RIPOR2: variants seen among roughly 807,000 people sequenced by gnomAD.
The protein encoded by RIPOR2 is rho family-interacting cell polarization regulator 2.
RIPOR2 carries 39 observed loss-of-function variants against 114.5 expected under a neutral mutation model. The ratio of observed to expected loss-of-function variants is 0.34; its 90% CI spans 0.26 to 0.44. RIPOR2 has a LOEUF of 0.44. Among genes scored for constraint, RIPOR2 ranks in the 20% least tolerant of loss-of-function variants. The pLI is 1.00. For missense variants in RIPOR2, 1,007 were observed against 1,255.1 expected (o/e 0.80, Z 2.99); for synonymous variants, 445 against 484.4 (o/e 0.92, Z 1.07).
Position 24,864,816 on chromosome 6 carries a change from A to C in RIPOR2, c.651+485T>G, listed in dbSNP as rs181908603. ...GTAGGCAGAGGGTTACTGATCCAAC[A>C]CTGACATCCAGTGTAGCTATCTGAA... On this transcript the variant is annotated intron_variant, in intron 7 of 21. Transcript: ENST00000643898. Among the ~76,000 whole-genome samples, 83 of 152,318 alleles carry C rather than the reference A, an allele frequency of 5.4e-4. No individual in the cohort carries two copies. In the Middle Eastern group the frequency reaches 0.014, roughly 25 times the overall value.
chr6:25,029,447 T>C (rs1319239583), intron 1 of RIPOR2, among the ~76,000 whole-genome samples: 1 of 88,770 alleles, frequency 1.1e-5, no homozygotes, highest in Non-Finnish European at 2.5e-5. Flanking sequence ...GAAGAAGTAA[T>C]GAAAAAAGGG....
chr6:24,926,770 T>C (rs1179998021), intron 1 of RIPOR2, among the ~76,000 whole-genome samples: 1 of 152,120 alleles, frequency 6.6e-6, no homozygotes, highest in Non-Finnish European at 1.5e-5. Context: ...CTTATGGTTT[T>C]CAAGTATATC....
At chr6:24,823,613 C>T (rs775353165) in intron 19 of RIPOR2, among the ~76,000 whole-genome samples, 9 of 152,052 alleles carry the variant, frequency 5.9e-5, no homozygotes, top group Non-Finnish European at 7.3e-5. Flanking sequence ...AAGGTTTAGT[C>T]ATGAAATATG....
At chr6:25,021,706 T>C (rs1172002161) in intron 1 of RIPOR2, among the ~76,000 whole-genome samples, 1 of 152,228 alleles carries the variant, frequency 6.6e-6, no homozygotes. Context: ...CCTCGATTGA[T>C]GGGTCAAAAT....
At chr6:25,000,304 C>A (rs1464049685) in intron 1 of RIPOR2, among the ~76,000 whole-genome samples, 2 of 152,170 alleles carry the variant, frequency 1.3e-5, no homozygotes, top group Non-Finnish European at 2.9e-5. Context: ...ATGCTGACCA[C>A]TCGCGAAAAC....
intron 19 of RIPOR2, among the ~76,000 whole-genome samples, chr6:24,824,342 T>C (rs1176159734): frequency 6.6e-6 from 1 of 152,196 alleles, no homozygotes; most frequent in South Asian, 2.1e-4. Context: ...AGTGGATTAT[T>C]TTCTTGTGAG....
At chr6:24,938,843 G>C (rs537419918), upstream of RIPOR2, among the ~76,000 whole-genome samples, 17 of 152,268 alleles carry the variant, frequency 1.1e-4, no homozygotes, top group Middle Eastern at 6.8e-3. Flanking sequence ...AATTACCTTA[G>C]AGAGATATGA....
At chr6:24,926,120 A>G (rs987340974) in intron 1 of RIPOR2, among the ~76,000 whole-genome samples, 11 of 152,230 alleles carry the variant, frequency 7.2e-5, no homozygotes, top group Non-Finnish European at 1.5e-5. Flanking sequence ...ATACAACATT[A>G]AAGTTTTCAG....
rs28360496 is a variant in RIPOR2, at chr6:24,883,318, C to T, written c.62-7501G>A. On this transcript the variant is annotated intron_variant, in intron 1 of 21. Transcript: ENST00000643898. This position sits in a 1 kb window ranked among gnomAD's most constrained non-coding sequence, Gnocchi z 4.1. ...ACCAATAGTTGTCACACTTACAAAG[C>T]TATGCCATCTCCATAAGCTAGACTG... Among the ~76,000 whole-genome samples, 17,849 of 152,232 alleles carry T rather than the reference C, an allele frequency of 0.12. 1,173 individuals are homozygous for T. The highest frequency in any genetic ancestry group is 0.16 in the South Asian group (783 of 4,826).
At chr6:24,992,923 C>T (rs988466139) in intron 1 of RIPOR2, among the ~76,000 whole-genome samples, 5 of 152,278 alleles carry the variant, frequency 3.3e-5, no homozygotes, top group Admixed American at 2.6e-4. Flanking sequence ...ACTTAAATAT[C>T]CTATGAGCCA....
Position 24,828,182 on chromosome 6 carries a change from C to G in RIPOR2, c.2620G>C (p.Gly874Arg), listed in dbSNP as rs140410062. The G allele has an allele frequency of 2.6e-6, 4 of 1,550,940 alleles. No individual in the cohort carries two copies. The highest frequency in any genetic ancestry group is 3.5e-6 in the Non-Finnish European group (4 of 1,146,516). ...AGGTAACTCTCCAGGTCACTGACGC[C>G]GTGGCTGGTGAAGTAACTGTAATAC... ...FQYYSYFTSH[G>R]VSDLESYLSQ... Residue 874 changes from glycine (G) to arginine (R), a missense_variant, in exon 18 of 22, where the codon GGC becomes CGC. Transcript: ENST00000643898.
At chr6:24,849,524 G>A (rs535049404) in intron 11 of RIPOR2, among the ~76,000 whole-genome samples, 9 of 152,232 alleles carry the variant, frequency 5.9e-5, no homozygotes, top group African/African-American at 2.2e-4. Flanking sequence ...GGGAAGGAAG[G>A]TGACAGAAAA....
chr6:25,005,694 GATATATAT>G (rs34057286), intron 1 of RIPOR2, among the ~76,000 whole-genome samples: 1,844 of 45,306 alleles, frequency 0.041, 79 homozygotes, highest in Non-Finnish European at 0.053. Context: ...TCCCTATGGA[GATATATAT>G]ATATATATAT....
At chr6:24,927,110 ATG>A (rs1561782274) in intron 1 of RIPOR2, among the ~76,000 whole-genome samples, 8 of 936 alleles carry the variant, frequency 8.5e-3, no homozygotes, top group Admixed American at 6.8e-3. Flanking sequence ...CACCACCACC[ATG>A]ATTATTATAA....
intron 6 of RIPOR2, among the ~76,000 whole-genome samples, chr6:24,867,721 T>G (rs1178948876): frequency 1.3e-5 from 2 of 152,260 alleles, no homozygotes; most frequent in African/African-American, 4.8e-5. Context: ...AATTAAACTT[T>G]TGGATAAAGT....
intron 8 of RIPOR2, among the ~76,000 whole-genome samples, chr6:24,855,885 T>C (rs991150305): frequency 6.6e-6 from 1 of 152,134 alleles, no homozygotes; most frequent in Non-Finnish European, 1.5e-5. Context: ...AATTTAAAAA[T>C]TAGCCAGTCA....
intron 1 of RIPOR2, among the ~76,000 whole-genome samples, chr6:24,891,940 C>A (rs1260923331): frequency 6.6e-6 from 1 of 152,196 alleles, no homozygotes; most frequent in Admixed American, 6.5e-5. Flanking sequence ...CTCACTGCAA[C>A]ATCCACCTCC....
rs185886023 is a variant in RIPOR2 at position 24,838,206 on chromosome 6, T to C, written c.2039+885A>G. Among the ~76,000 whole-genome samples, 568 of 152,260 alleles carry C rather than the reference T, an allele frequency of 3.7e-3. 2 individuals carry two copies. Among genetic ancestry groups the C allele is most frequent in the African/African-American group, 0.012 (506 of 41,538 alleles). ...TAGAGACATGCAGTACCAGTGGCAG[T>C]CATTGGTCATCCCCTCTTACATTCT... On this transcript the variant is annotated intron_variant, in intron 14 of 21. Transcript: ENST00000643898.
Position 24,830,682 on chromosome 6 carries a change from G to A in RIPOR2, c.2345-12C>T, listed in dbSNP as rs571912774. ...AAATTCTGGTATGGCTGGAAAAGAA[G>A]AGCAACCCCCCATCTCGTAACACAT... On this transcript the variant is annotated splice_polypyrimidine_tract_variant and intron_variant, in intron 16 of 21. Coordinates refer to ENST00000643898, the MANE Select transcript of RIPOR2 (RefSeq NM_001286445.3). 4 of 1,546,980 alleles carry A rather than the reference G, an allele frequency of 2.6e-6. No homozygotes were observed. Among genetic ancestry groups the A allele is most frequent in the Non-Finnish European group, 3.5e-6 (4 of 1,145,718 alleles).
Sources: gnomAD v4.1 joint callset for allele counts (sites outside exome capture counted in the v4.1 genomes callset) on GRCh38, gnomAD v4.1.1 for gene constraint, Gnocchi (gnomAD v3.1) non-coding constraint, MANE v1.5 for transcripts, NCBI Gene and HGNC (gene_info 2026-07-23, HGNC 2026-07-21) for gene names.